Variants in DENND4B observed in about 807,000 individuals in gnomAD.
DENND4B encodes DENN domain containing 4B.
Under a neutral mutation model 161.0 loss-of-function variants are expected in DENND4B, and 67 were observed. That is an observed-to-expected ratio of 0.42 (90% CI 0.34 to 0.51). The LOEUF (loss-of-function observed/expected upper bound fraction) is 0.51. Among genes scored for constraint, DENND4B ranks in the 20% least tolerant of loss-of-function variants. The pLI, the probability that DENND4B is intolerant of heterozygous loss-of-function variation, is 0.08. For missense variants in DENND4B, 1,481 were observed against 1,968.0 expected (o/e 0.75, Z 4.68); for synonymous variants, 753 against 813.8 (o/e 0.93, Z 1.27).
chr1:153,941,773 C>CCGGGGGGGGG, intron 6 of DENND4B, 96 bp downstream of exon 6: 4 of 1,426,298 alleles, frequency 2.8e-6, no homozygotes, highest in Non-Finnish European at 3.8e-6. Context: ...ACCCTGTGCC[C>CCGGGGGGGGG]AGCCCTCCCC....
chr1:153,938,876 G>A, intron 13 of DENND4B, 24 bp downstream of exon 13: 1 of 1,565,700 alleles, frequency 6.4e-7, no homozygotes, highest in Non-Finnish European at 8.7e-7. Flanking sequence ...AGAGGCCAAT[G>A]AGCACATAGA....
rs1254016711 is a variant in DENND4B, at chr1:153,937,737, T to C, written c.2092A>G (p.Thr698Ala). The change falls in exon 14 of 28, where the codon ACT (threonine) becomes GCT (alanine). Residue 698 changes from threonine (T) to alanine (A), a missense_variant. This residue lies in a region of DENND4B where 806 missense variants were observed against 1,134.4 expected (regional missense o/e 0.71). Coordinates refer to ENST00000361217, the MANE Select transcript of DENND4B (RefSeq NM_014856.3). This position sits in a 1 kb window ranked among gnomAD's most constrained non-coding sequence, Gnocchi z 4.7. ...EPALPEGSES[T>A]PQYCYDGFPE... is the part of the protein sequence containing the mutation. The stretch of plus-strand genomic sequence containing the variant: ...AGAGACTCTCACCAGTACTGGGGAG[T>C]GGATTCACTGCCCTCTGGTAAGGCA... The C allele has an allele frequency of 1.2e-6, 2 of 1,613,608 alleles. No homozygotes were observed. Among genetic ancestry groups the C allele is most frequent in the South Asian group, 1.1e-5 (1 of 91,070 alleles).
rs1679832169 is a variant in DENND4B, at chr1:153,944,160, G to C, written c.215C>G (p.Ala72Gly). 6.2e-7 allele frequency: 1 copy of C among 1,613,154 alleles called. No individual in the cohort carries two copies. Among genetic ancestry groups the C allele is most frequent in the African/African-American group, 1.3e-5 (1 of 75,050 alleles). The stretch of plus-strand genomic sequence containing the variant: ...ACTGAGTTCCAAGGGGTGGCCCCCA[G>C]CAGAAGCCTGGATGCATGTGTAGCC... ...PQGYTCIQASAGGHPLELSAG... is the reference protein window; with the variant it reads ...PQGYTCIQASGGGHPLELSAG... Residue 72 changes from alanine (A) to glycine (G), a missense_variant, in exon 2 of 28, where the codon GCT becomes GGT. By Grantham distance (60) the Ala-to-Gly change is moderately conservative. Coordinates refer to ENST00000361217, the MANE Select transcript of DENND4B (RefSeq NM_014856.3). This position sits in a 1 kb window ranked among gnomAD's most constrained non-coding sequence, Gnocchi z 4.8.
Position 153,946,224 on chromosome 1 carries a change from C to G in DENND4B, c.-24+77G>C, listed in dbSNP as rs972278136. The G allele has an allele frequency of 3.1e-6, 1 of 325,208 alleles. No individual in the cohort carries two copies. The highest frequency in any genetic ancestry group is 5.6e-6 in the Non-Finnish European group (1 of 179,350). The allele number at this position is 325,208 out of a possible 1,614,324, so 20.1% of individuals were successfully genotyped here. On this transcript the variant is annotated intron_variant, in intron 1 of 27. Coordinates refer to ENST00000361217, the MANE Select transcript of DENND4B (RefSeq NM_014856.3). This position sits in a 1 kb window ranked among gnomAD's most constrained non-coding sequence, Gnocchi z 6.3. The stretch of plus-strand genomic sequence containing the variant: ...GTGAGGGACAGCAGCTGGGGGCCAT[C>G]CCCCACCCCGCCTGCCGCCCGCGCT...
At chr1:153,939,274 T>C (rs565306835) in intron 12 of DENND4B, among the ~76,000 whole-genome samples, 1 of 151,260 alleles carries the variant, frequency 6.6e-6, no homozygotes, top group Non-Finnish European at 1.5e-5. Flanking sequence ...TGCCTCAGAC[T>C]GGGGGGGGTC....
chr1:153,934,602 C>T lies in DENND4B; in HGVS notation c.2773+158G>A, dbSNP rs974888166. ...GACTACAGGTGCGCGCCACCACGCC[C>T]AGCTAATTTTTTTATCCCTTTTGTT... On this transcript the variant is annotated intron_variant, in intron 18 of 27. Coordinates refer to ENST00000361217, the MANE Select transcript of DENND4B (RefSeq NM_014856.3). This position sits in a 1 kb window ranked among gnomAD's most constrained non-coding sequence, Gnocchi z 5.3. 41 of 1,326,270 alleles carry T rather than the reference C, an allele frequency of 3.1e-5. No individual in the cohort carries two copies. Among genetic ancestry groups the T allele is most frequent in the Non-Finnish European group, 7.1e-6 (7 of 988,858 alleles). 82.2% of individuals were successfully genotyped at this position (1,326,270 alleles called of 1,614,324 possible).
At chr1:153,945,496 A>G (rs977678402) in intron 1 of DENND4B, among the ~76,000 whole-genome samples, 1 of 151,978 alleles carries the variant, frequency 6.6e-6, no homozygotes, top group African/African-American at 2.4e-5. Context: ...CCCCCAGAGA[A>G]CAGGGAATAA....
Position 153,942,026 on chromosome 1 carries a change from C to A in DENND4B, c.898G>T (p.Ala300Ser). 1 of 1,611,424 alleles carries A rather than the reference C, an allele frequency of 6.2e-7. No homozygotes were observed. The highest frequency in any genetic ancestry group is 1.3e-5 in the African/African-American group (1 of 75,002). ...CCCAGTGCCCGACCCCGCTCCACGG[C>A]GCTCAGCAGGCCCAGTGCCCGTGCC... ...RQARALGLLSAVERGRALGGR... is the reference protein window; with the variant it reads ...RQARALGLLSSVERGRALGGR... The change falls in exon 6 of 28, where the codon GCC becomes TCC. Residue 300 changes from alanine (A) to serine (S), a missense_variant. This residue lies in a region of DENND4B where 806 missense variants were observed against 1,134.4 expected (regional missense o/e 0.71). Transcript: ENST00000361217. This position sits in a 1 kb window ranked among gnomAD's most constrained non-coding sequence, Gnocchi z 6.9.
In DENND4B at chr1:153,937,650, AGCAC is replaced by A; in HGVS notation, c.2106-40_2106-37del. ...AGAGAGAAGCAACATCGGGGCAGTC[AGCAC>A]AGGGCGAAGCGAGTTGGACTGGACC... On this transcript the variant is annotated intron_variant, in intron 14 of 27. Transcript: ENST00000361217. This position sits in a 1 kb window ranked among gnomAD's most constrained non-coding sequence, Gnocchi z 4.7. 6.2e-7 allele frequency: 1 copy of A among 1,611,892 alleles called. No homozygotes were observed. The highest frequency in any genetic ancestry group is 1.1e-5 in the South Asian group (1 of 90,978).
intron 24 of DENND4B, among the ~76,000 whole-genome samples, chr1:153,931,861 T>C (rs1678964941): frequency 6.7e-6 from 1 of 149,686 alleles, no homozygotes; most frequent in Non-Finnish European, 1.5e-5. Flanking sequence ...TGGAGGGCAA[T>C]GGCGCGATCT....
chr1:153,943,061 G>A lies in DENND4B; in HGVS notation c.387C>T (p.His129=), dbSNP rs754129050. The A allele has an allele frequency of 6.2e-7, 1 of 1,614,044 alleles. No homozygotes were observed. Among genetic ancestry groups the A allele is most frequent in the South Asian group, 1.1e-5 (1 of 91,088 alleles). Residue 129 remains histidine, a synonymous_variant, in exon 3 of 28, where the codon CAC becomes CAT. Transcript: ENST00000361217. ...FQVLDTTPYS[H]SANLAPPGPG... ...GGCCTGGAGGGGCCAGGTTTGCTGA[G>A]TGGCTGTAGGGTGTCGTGTCAAGCA...
At position 153,942,716 on chromosome 1, in the gene DENND4B, T is replaced by C; in HGVS notation, c.571-91A>G. ...TCTCTACCACCCCTAAATGTTCTTT[T>C]GTCTTTAAAGCTCCCATTAATCCCA... On this transcript the variant is annotated intron_variant, in intron 3 of 27. Coordinates refer to ENST00000361217, the MANE Select transcript of DENND4B (RefSeq NM_014856.3). The surrounding 1 kb of genome is among the most constrained non-coding windows in gnomAD (Gnocchi z 6.9). 1 of 1,482,102 alleles carries C rather than the reference T, an allele frequency of 6.7e-7. No homozygotes were observed. 91.8% of individuals were successfully genotyped at this position (1,482,102 alleles called of 1,614,324 possible).
chr1:153,936,564 C>CCG lies in DENND4B; in HGVS notation c.2415_2416dup (p.Gly806AlafsTer15). ...TACCTCATCAGGGAGCACCACCTTGCCGCTCTCCATCTGGCGCAGCACATG... is the reference window on the plus strand; with the variant it reads ...TACCTCATCAGGGAGCACCACCTTGCCGCGCTCTCCATCTGGCGCAGCACATG... On this transcript the variant is annotated frameshift_variant, in exon 16 of 28. Transcript: ENST00000361217. LOFTEE classifies it high-confidence loss of function. The surrounding 1 kb of genome is among the most constrained non-coding windows in gnomAD (Gnocchi z 4.1). 2 of 1,603,390 alleles carry CCG rather than the reference C, an allele frequency of 1.2e-6. No homozygotes were observed. The highest frequency in any genetic ancestry group is 1.7e-6 in the Non-Finnish European group (2 of 1,173,242).
At position 153,930,501 on chromosome 1, in the gene DENND4B, G is replaced by A; in HGVS notation, c.4345+38C>T. On this transcript the variant is annotated intron_variant, in intron 27 of 27. Transcript: ENST00000361217. The surrounding 1 kb of genome is among the most constrained non-coding windows in gnomAD (Gnocchi z 4.7). ...CCGCAGCCTCCCACACCTGGCCCCAGATCCCTAAACTCCTCAGCCCCTTGC... is the reference window on the plus strand; with the variant it reads ...CCGCAGCCTCCCACACCTGGCCCCAAATCCCTAAACTCCTCAGCCCCTTGC... 2 of 1,614,016 alleles carry A rather than the reference G, an allele frequency of 1.2e-6. No individual in the cohort carries two copies. Among genetic ancestry groups the A allele is most frequent in the Non-Finnish European group, 1.7e-6 (2 of 1,179,884 alleles).
At chr1:153,938,009 G>T in intron 13 of DENND4B, 146 bp from the exon 14 acceptor site, 1 of 1,150,652 alleles carries the variant, frequency 8.7e-7, no homozygotes, top group Non-Finnish European at 1.2e-6. Context: ...CGGGAGGACA[G>T]TACATTACAT....
Position 153,938,959 on chromosome 1 carries a change from A to C in DENND4B, c.1906T>G (p.Cys636Gly), listed in dbSNP as rs1679513670. 1.2e-6 allele frequency: 2 copies of C among 1,609,590 alleles called. No individual in the cohort carries two copies. Among genetic ancestry groups the C allele is most frequent in the African/African-American group, 1.3e-5 (1 of 74,850 alleles). ...GCATGGCGAGCAGAGCCAAAAGAGC[A>C]CTCCTCAATGAACTGTGAGAACATC... ...TQMFSQFIEE[C>G]SFGSARHAAL... The change falls in exon 13 of 28, where the codon TGC (cysteine) becomes GGC (glycine). Residue 636 changes from cysteine to glycine, a missense_variant. Around this residue, in one of 3 missense-constraint regions of DENND4B, gnomAD observed 806 missense variants for 1,134.4 expected, o/e 0.71. Coordinates refer to ENST00000361217, the MANE Select transcript of DENND4B (RefSeq NM_014856.3).
Position 153,932,695 on chromosome 1 carries a change from G to T in DENND4B, c.3706C>A (p.Arg1236=), listed in dbSNP as rs369283763. 3 of 1,613,940 alleles carry T rather than the reference G, an allele frequency of 1.9e-6. No homozygotes were observed. In the African/African-American group the frequency reaches 4.0e-5, roughly 22 times the overall value. Residue 1236 remains arginine (R), a synonymous_variant, in exon 23 of 28, where the codon CGA becomes AGA. Transcript: ENST00000361217. This position sits in a 1 kb window ranked among gnomAD's most constrained non-coding sequence, Gnocchi z 5.8. The part of the protein sequence containing the change: ...PGGPGPVLSD[R]RLCLALDEPQ... ...TCATCCAGAGCAAGGCAGAGCCTTC[G>T]GTCACTGAGCACAGGGCCAGGACCA...
Position 153,932,491 on chromosome 1 carries a change from C to G in DENND4B, c.3760-51G>C, listed in dbSNP as rs1571032068. 1.3e-6 allele frequency: 2 copies of G among 1,558,710 alleles called. No individual in the cohort carries two copies. Among genetic ancestry groups the G allele is most frequent in the East Asian group, 4.7e-5 (2 of 42,786 alleles). On this transcript the variant is annotated intron_variant, in intron 23 of 27. Coordinates refer to ENST00000361217, the MANE Select transcript of DENND4B (RefSeq NM_014856.3). This position sits in a 1 kb window ranked among gnomAD's most constrained non-coding sequence, Gnocchi z 5.8. The stretch of plus-strand genomic sequence containing the variant: ...GTAGAGGGCATGTACATCCCCAGAG[C>G]CTTGCCTCCCACTGAGCCACCACAT...
At position 153,930,728 on chromosome 1, in the gene DENND4B, G is replaced by C; in HGVS notation, c.4244C>G (p.Thr1415Ser). 6.2e-7 allele frequency: 1 copy of C among 1,611,726 alleles called. No individual in the cohort carries two copies. Among genetic ancestry groups the C allele is most frequent in the East Asian group, 2.2e-5 (1 of 44,870 alleles). ...VHKAVGLLLE[T>S]LGPPPTGLHL... ...CAGGCCAGTGGGTGGGGGCCCTAGA[G>C]TTTCCAGCAGGAGCCCCACAGCCTT... The change falls in exon 26 of 28, where the codon ACT (threonine) becomes AGT (serine). Residue 1415 changes from threonine to serine, a missense_variant. Thr to Ser is a moderately conservative substitution (Grantham distance 58). This residue lies in a region of DENND4B where 336 missense variants were observed against 503.3 expected (regional missense o/e 0.67). Transcript: ENST00000361217. This position sits in a 1 kb window ranked among gnomAD's most constrained non-coding sequence, Gnocchi z 4.7.
Sources: allele counts gnomAD v4.1 joint callset (sites outside exome capture counted in the v4.1 genomes callset), GRCh38; gene constraint gnomAD v4.1.1; regional missense constraint gnomAD v4.1.1; non-coding constraint Gnocchi (gnomAD v3.1); transcripts MANE v1.5; gene names NCBI Gene and HGNC (gene_info 2026-07-23, HGNC 2026-07-21).